Variants in ACSS3 observed in about 807,000 individuals in gnomAD.
ACSS3 encodes acyl-CoA synthetase short-chain family member 3, mitochondrial.
ACSS3 carries 64 observed loss-of-function variants against 84.2 expected under a neutral mutation model. That is an observed-to-expected ratio of 0.76 (90% CI 0.62 to 0.94). The LOEUF (loss-of-function observed/expected upper bound fraction) is 0.94. Ranked by LOEUF, ACSS3 falls within the 40% of genes least tolerant of loss-of-function variation. The pLI is 0.00. For missense variants in ACSS3, 815 were observed against 867.6 expected (o/e 0.94, Z 0.76); for synonymous variants, 317 against 310.1 (o/e 1.02, Z -0.23).
At chr12:81,105,618 T>C (rs189835477) in intron 1 of ACSS3, among the ~76,000 whole-genome samples, 70 of 152,334 alleles carry the variant, frequency 4.6e-4, no homozygotes, top group Admixed American at 1.9e-3. Context: ...TCTGTCTGGG[T>C]CCTAAATCCT....
chr12:81,247,228 G>A (rs958510011), intron 13 of ACSS3, among the ~76,000 whole-genome samples: 17 of 152,194 alleles, frequency 1.1e-4, no homozygotes, highest in South Asian at 2.1e-4. Flanking sequence ...CTCCTTCTAA[G>A]AGATTACTTC....
At chr12:81,107,503 A>AATGT (rs1883120625) in intron 1 of ACSS3, among the ~76,000 whole-genome samples, 1 of 59,566 alleles carries the variant, frequency 1.7e-5, no homozygotes, top group African/African-American at 6.1e-5. Context: ...TTCAGGTACA[A>AATGT]ATATATACAT....
At chr12:81,176,788 G>A (rs902020740) in intron 8 of ACSS3, among the ~76,000 whole-genome samples, 2 of 152,068 alleles carry the variant, frequency 1.3e-5, no homozygotes, top group Non-Finnish European at 2.9e-5. Flanking sequence ...AAAAAGTTGA[G>A]GGGGAGGGAT....
In ACSS3 at chr12:81,098,023, A is replaced by G. The variant is rs549240357; in HGVS notation, c.312-11537A>G. On this transcript the variant is annotated intron_variant, in intron 1 of 15. Transcript: ENST00000548058. Reference sequence around the variant, plus strand: ...GCCACTGTCTGTGTGTGTTGTTTGCATGTTCTACCCATGTATGGGTGGGAT... The same window carrying G: ...GCCACTGTCTGTGTGTGTTGTTTGCGTGTTCTACCCATGTATGGGTGGGAT... 3.0e-3 allele frequency among the ~76,000 whole-genome samples: 453 copies of G among 151,906 alleles called. 1 individual carries two copies. Among genetic ancestry groups the G allele is most frequent in the Non-Finnish European group, 4.9e-3 (330 of 67,944 alleles).
At chr12:81,171,757 A>T (rs538253133) in intron 7 of ACSS3, among the ~76,000 whole-genome samples, 2 of 152,276 alleles carry the variant, frequency 1.3e-5, no homozygotes, top group South Asian at 4.1e-4. Flanking sequence ...AACAATGGAG[A>T]TATGTTCTGA....
intron 2 of ACSS3, among the ~76,000 whole-genome samples, chr12:81,123,592 C>T (rs1884821917): frequency 6.6e-6 from 1 of 151,498 alleles, no homozygotes; most frequent in African/African-American, 2.4e-5. Context: ...ACCTGATAGG[C>T]TTTCAGTTCT....
chr12:81,233,447 A>T lies in ACSS3; in HGVS notation c.1695A>T (p.Arg565Ser). The T allele has an allele frequency of 6.2e-7, 1 of 1,611,124 alleles. No individual in the cohort carries two copies. Among genetic ancestry groups the T allele is most frequent in the South Asian group, 1.1e-5 (1 of 91,004 alleles). ...ATGTAATAAATGTTGCAGGTCACAG[A>T]ATTTCTGCAGGCGCCATTGAAGAGG... ...VDDVINVAGH[R>S]ISAGAIEESI... Residue 565 changes from arginine to serine, a missense_variant, in exon 13 of 16, where the codon AGA (arginine) becomes AGT (serine). Coordinates refer to ENST00000548058, the MANE Select transcript of ACSS3 (RefSeq NM_024560.4).
intron 13 of ACSS3, among the ~76,000 whole-genome samples, chr12:81,248,561 C>T (rs1170340743): frequency 6.6e-6 from 1 of 151,720 alleles, no homozygotes; most frequent in African/African-American, 2.4e-5. Flanking sequence ...ATGTGTGTGT[C>T]AAGTGGTGAA....
intron 8 of ACSS3, among the ~76,000 whole-genome samples, chr12:81,179,013 T>G (rs1390142045): frequency 6.6e-6 from 1 of 151,990 alleles, no homozygotes; most frequent in Admixed American, 6.6e-5. Flanking sequence ...CCATCTAATC[T>G]TTGACAAACT....
intron 8 of ACSS3, among the ~76,000 whole-genome samples, chr12:81,197,173 T>G (rs2031877258): frequency 6.6e-6 from 1 of 152,182 alleles, no homozygotes; most frequent in Non-Finnish European, 1.5e-5. Flanking sequence ...CTTCTATAGA[T>G]GAAAATTACC....
At chr12:81,148,362 G>A (rs1435965) in intron 5 of ACSS3, among the ~76,000 whole-genome samples, 11,010 of 152,136 alleles carry the variant, frequency 0.072, 842 homozygotes, top group African/African-American at 0.19. Flanking sequence ...GACAATCTGT[G>A]AGTTTACTTG....
intron 1 of ACSS3, among the ~76,000 whole-genome samples, chr12:81,098,129 TGAGAGAGA>T (rs769661021): frequency 3.7e-5 from 5 of 135,060 alleles, no homozygotes; most frequent in Non-Finnish European, 4.7e-5. Context: ...GGTCCCAGTA[TGAGAGAGA>T]GAGAGAGAGA....
intron 8 of ACSS3, among the ~76,000 whole-genome samples, chr12:81,195,585 A>C (rs2031788614): frequency 6.6e-6 from 1 of 152,056 alleles, no homozygotes; most frequent in Non-Finnish European, 1.5e-5. Flanking sequence ...TTTGTCAAAA[A>C]AATTGTGTGG....
intron 5 of ACSS3, among the ~76,000 whole-genome samples, chr12:81,144,068 T>TTTATTAC (rs1049787241): frequency 1.3e-5 from 2 of 152,224 alleles, no homozygotes; most frequent in African/African-American, 4.8e-5. Flanking sequence ...CAGTGGCTTC[T>TTTATTAC]TTATTACTGT....
At chr12:81,196,087 A>G (rs894677843) in intron 8 of ACSS3, among the ~76,000 whole-genome samples, 4 of 152,214 alleles carry the variant, frequency 2.6e-5, no homozygotes, top group African/African-American at 9.6e-5. Context: ...TGACACTTGC[A>G]TACCCACACA....
chr12:81,089,281 CT>C (rs971841582), intron 1 of ACSS3, among the ~76,000 whole-genome samples: 22 of 146,676 alleles, frequency 1.5e-4, no homozygotes, highest in African/African-American at 6.0e-4. Context: ...TGTACTATTT[CT>C]TTTTATTTTT....
intron 9 of ACSS3, among the ~76,000 whole-genome samples, chr12:81,209,118 C>T (rs1185213076): frequency 6.6e-6 from 1 of 151,680 alleles, no homozygotes; most frequent in Non-Finnish European, 1.5e-5. Context: ...TTTTTTTAGG[C>T]CCCTGATCTT....
intron 7 of ACSS3, among the ~76,000 whole-genome samples, chr12:81,162,805 G>T (rs998922636): frequency 1.3e-5 from 2 of 152,162 alleles, no homozygotes; most frequent in African/African-American, 4.8e-5. Context: ...AGTTCAGAGG[G>T]GGCCAAGGAG....
chr12:81,100,384 G>A (rs1029678681), intron 1 of ACSS3, among the ~76,000 whole-genome samples: 1 of 151,990 alleles, frequency 6.6e-6, no homozygotes, highest in Admixed American at 6.6e-5. Context: ...CTTTGGGGAG[G>A]CCCTCAGTCC....
Sources: gnomAD v4.1 joint callset for allele counts (sites outside exome capture counted in the v4.1 genomes callset) on GRCh38, gnomAD v4.1.1 for gene constraint, MANE v1.5 for transcripts, NCBI Gene and HGNC (gene_info 2026-07-23, HGNC 2026-07-21) for gene names.